The following EFHB variants were observed in gnomAD, a reference collection of about 807,000 sequenced individuals.
The protein encoded by EFHB is EF-hand domain family member B, also known as EF-hand domain-containing family member B.
A neutral mutation model predicts 87.2 loss-of-function variants in EFHB; 91 were observed. The ratio of observed to expected loss-of-function variants is 1.04; its 90% CI spans 0.88 to 1.24. The LOEUF is 1.24. Among genes scored for constraint, EFHB ranks in the 50% most tolerant of loss-of-function variants. The pLI, the probability that EFHB is intolerant of heterozygous loss-of-function variation, is 0.00. For missense variants in EFHB, 1,084 were observed against 998.8 expected (o/e 1.09, Z -1.15); for synonymous variants, 325 against 333.6 (o/e 0.97, Z 0.28).
At chr3:19,916,510 G>A (rs1028280963) in intron 4 of EFHB, among the ~76,000 whole-genome samples, 6 of 151,200 alleles carry the variant, frequency 4.0e-5, no homozygotes, top group African/African-American at 1.5e-4. Flanking sequence ...GTGAGACTCC[G>A]TCTCAAAAAA....
chr3:19,883,258 C>T (rs2071727016), intron 11 of EFHB, among the ~76,000 whole-genome samples: 1 of 152,184 alleles, frequency 6.6e-6, no homozygotes, highest in Admixed American at 6.5e-5. Context: ...ACCTTGGCCT[C>T]CCAAGATTCT....
rs762417778 is a variant in EFHB at position 19,919,843 on chromosome 3, A to T, written c.986T>A (p.Ile329Asn). ...PYLTHGIRSKISVLANTLINP... is the reference protein window; with the variant it reads ...PYLTHGIRSKNSVLANTLINP... The stretch of plus-strand genomic sequence containing the variant: ...AAGAAAATAACTTACCAGTACTGAA[A>T]TTTTAGATCTAATTCCATGTGTCAA... Residue 329 changes from isoleucine to asparagine, a missense_variant, in exon 3 of 13, where the codon ATT becomes AAT. Ile to Asn is a moderately radical substitution (Grantham distance 149, BLOSUM62 -3). Transcript: ENST00000295824. 37 of 1,612,636 alleles carry T rather than the reference A, an allele frequency of 2.3e-5. No individual in the cohort carries two copies. The highest frequency in any genetic ancestry group is 3.1e-5 in the Non-Finnish European group (36 of 1,179,144).
At chr3:19,884,370 A>G in intron 11 of EFHB, 33 bp downstream of exon 11, 1 of 1,591,142 alleles carries the variant, frequency 6.3e-7, no homozygotes, top group Non-Finnish European at 8.6e-7. Context: ...CAGTTTGTTG[A>G]TGCTTTTAAA....
In EFHB at chr3:19,879,562, T is replaced by A. The variant is rs1320153722; in HGVS notation, c.*69A>T. The A allele has an allele frequency of 1.1e-5, 16 of 1,455,136 alleles. No individual in the cohort carries two copies. In the Admixed American group the frequency reaches 4.0e-4, roughly 36 times the overall value. The allele number at this position is 1,455,136 out of a possible 1,614,324, so 90.1% of individuals were successfully genotyped here. On this transcript the variant is annotated 3_prime_UTR_variant, in exon 13 of 13. Transcript: ENST00000295824. ...TCTAACATAATATCTAAAACCAGAATGGATTCAACATTTTAGATAAACACA... is the reference window on the plus strand; with the variant it reads ...TCTAACATAATATCTAAAACCAGAAAGGATTCAACATTTTAGATAAACACA...
chr3:19,936,446 C>A, upstream of EFHB: 1 of 465,400 alleles, frequency 2.1e-6, no homozygotes, highest in Non-Finnish European at 3.8e-6. Context: ...TGCCTATAGT[C>A]CTAGCTACTC....
At chr3:19,941,927 G>T (rs1240698976) in intron 1 of EFHB, among the ~76,000 whole-genome samples, 2 of 151,684 alleles carry the variant, frequency 1.3e-5, no homozygotes, top group East Asian at 1.9e-4. Flanking sequence ...GCTGAGGGGG[G>T]GCAGATCACC....
At chr3:19,946,259 A>C (rs1473370871) in intron 1 of EFHB, 1 of 152,234 alleles carries the variant, frequency 6.6e-6, no homozygotes, top group Non-Finnish European at 1.5e-5. Context: ...CTTTACCTAT[A>C]AAACATCTAC....
chr3:19,900,474 C>CA (rs898860331), intron 6 of EFHB, among the ~76,000 whole-genome samples: 3 of 151,808 alleles, frequency 2.0e-5, no homozygotes, highest in African/African-American at 7.2e-5. Context: ...CTAACTTTGG[C>CA]AAAAAAATAT....
At chr3:19,886,270 C>G (rs755637621) in intron 10 of EFHB, among the ~76,000 whole-genome samples, 9 of 152,062 alleles carry the variant, frequency 5.9e-5, no homozygotes, top group Non-Finnish European at 1.3e-4. Context: ...AAAGGCTAAC[C>G]CATAAGGGCT....
chr3:19,944,746 T>C (rs905950354), intron 1 of EFHB, among the ~76,000 whole-genome samples: 1 of 130,484 alleles, frequency 7.7e-6, no homozygotes, highest in Admixed American at 7.6e-5. Flanking sequence ...TTTTTTGCAA[T>C]TTATAAATTT....
intron 9 of EFHB, among the ~76,000 whole-genome samples, chr3:19,892,882 A>AAAATG (rs1491311664): frequency 4.2e-5 from 5 of 118,620 alleles, no homozygotes; most frequent in African/African-American, 1.9e-4. Context: ...AAAATAAAAT[A>AAAATG]AAATAATATA....
At chr3:19,904,526 C>G (rs538006771) in intron 6 of EFHB, among the ~76,000 whole-genome samples, 9 of 152,318 alleles carry the variant, frequency 5.9e-5, no homozygotes, top group Non-Finnish European at 1.2e-4. Flanking sequence ...CTTCCAAAGT[C>G]TGATGGCTGT....
chr3:19,905,899 A>G, intron 5 of EFHB, 150 bp from the exon 6 acceptor site: 1 of 923,222 alleles, frequency 1.1e-6, no homozygotes, highest in Non-Finnish European at 1.5e-6. Context: ...ATTTAGCTAC[A>G]GATGACAGAA....
At chr3:19,939,370 C>CTGTTTTTT (rs1696097144) in intron 1 of EFHB, among the ~76,000 whole-genome samples, 1 of 64,582 alleles carries the variant, frequency 1.5e-5, no homozygotes, top group Non-Finnish European at 2.8e-5. Context: ...GTTGGGTCTC[C>CTGTTTTTT]TTTTTTTTTT....
upstream of EFHB, chr3:19,936,124 T>C: frequency 6.7e-7 from 1 of 1,484,316 alleles, no homozygotes; most frequent in Non-Finnish European, 8.9e-7. Context: ...TGTAGGGGTC[T>C]GGACATAGTC....
chr3:19,885,725 A>T (rs1005813137), intron 10 of EFHB, among the ~76,000 whole-genome samples: 1 of 152,124 alleles, frequency 6.6e-6, no homozygotes, highest in African/African-American at 2.4e-5. Context: ...TGAAGAACGC[A>T]TTCCTCCCCG....
chr3:19,940,467 C>T (rs1334493577), intron 1 of EFHB: 1 of 495,656 alleles, frequency 2.0e-6, no homozygotes, highest in Non-Finnish European at 4.0e-6. Flanking sequence ...TTTCATTACG[C>T]CTGACAAGAA....
intron 4 of EFHB, 36 bp downstream of exon 4, chr3:19,918,196 C>G: frequency 6.6e-7 from 1 of 1,512,580 alleles, no homozygotes; most frequent in Non-Finnish European, 8.9e-7. Flanking sequence ...CTTATTTTAC[C>G]AGCCCCTTCC....
intron 6 of EFHB, among the ~76,000 whole-genome samples, chr3:19,902,898 T>C (rs190282596): frequency 1.3e-5 from 2 of 151,990 alleles, no homozygotes; most frequent in East Asian, 3.9e-4. Flanking sequence ...CAAAAAGGGC[T>C]GGGCACAGTG....
Sources: allele counts gnomAD v4.1 joint callset (sites outside exome capture counted in the v4.1 genomes callset), GRCh38; gene constraint gnomAD v4.1.1; transcripts MANE v1.5; gene names NCBI Gene and HGNC (gene_info 2026-07-23, HGNC 2026-07-21).